The following PDZD2 variants were observed in gnomAD, a reference collection of about 807,000 sequenced individuals.
The protein encoded by PDZD2 is PDZ domain containing 2, also known as PDZ domain-containing protein 2.
A neutral mutation model predicts 220.7 loss-of-function variants in PDZD2; 90 were observed. That is an observed-to-expected ratio of 0.41 (90% CI 0.34 to 0.49). The LOEUF (loss-of-function observed/expected upper bound fraction) is 0.49, where lower values mean the gene tolerates loss of function less well. PDZD2 is among the 20% of genes least tolerant of loss of function. The pLI, the probability that PDZD2 is intolerant of heterozygous loss-of-function variation, is 0.28. For missense variants in PDZD2, 3,174 were observed against 3,608.5 expected (o/e 0.88, Z 3.08); for synonymous variants, 1,375 against 1,450.5 (o/e 0.95, Z 1.18).
At chr5:31,655,486 T>G (rs1039672241) in intron 1 of PDZD2, among the ~76,000 whole-genome samples, 9 of 152,052 alleles carry the variant, frequency 5.9e-5, no homozygotes, top group African/African-American at 2.2e-4. Context: ...TTTTAATATA[T>G]CATATATTTT....
At chr5:31,796,984 G>A (rs1254837915) in intron 1 of PDZD2, among the ~76,000 whole-genome samples, 4 of 150,162 alleles carry the variant, frequency 2.7e-5, no homozygotes, top group Non-Finnish European at 4.4e-5. Flanking sequence ...CTGGAGTGCA[G>A]TGGCGAGATC....
At chr5:31,820,526 G>T (rs1755773527) in intron 2 of PDZD2, 1 of 152,102 alleles carries the variant, frequency 6.6e-6, no homozygotes, top group African/African-American at 2.4e-5. Flanking sequence ...TGTTAACACG[G>T]CATTTATTTT....
chr5:31,850,214 G>GTA (rs1179897775), intron 2 of PDZD2, among the ~76,000 whole-genome samples: 1 of 84,224 alleles, frequency 1.2e-5, no homozygotes, highest in Non-Finnish European at 2.3e-5. Context: ...GTATATATGT[G>GTA]TATATATATA....
intron 2 of PDZD2, among the ~76,000 whole-genome samples, chr5:31,892,634 C>T (rs989688911): frequency 6.6e-6 from 1 of 151,648 alleles, no homozygotes; most frequent in South Asian, 2.1e-4. Flanking sequence ...GTGGCGAGAC[C>T]ACAGCTCACT....
chr5:31,866,512 C>T (rs1353212682), intron 2 of PDZD2, among the ~76,000 whole-genome samples: 2 of 152,124 alleles, frequency 1.3e-5, no homozygotes, highest in Non-Finnish European at 2.9e-5. Flanking sequence ...TTCGTGCCCT[C>T]ACAGCTGCTT....
intron 1 of PDZD2, among the ~76,000 whole-genome samples, chr5:31,709,394 G>A (rs1747980600): frequency 1.3e-5 from 2 of 152,002 alleles, no homozygotes; most frequent in Admixed American, 1.3e-4. Flanking sequence ...GGCTGAGGCA[G>A]GAGGATAGTT....
intron 2 of PDZD2, among the ~76,000 whole-genome samples, chr5:31,802,654 C>T (rs573655249): frequency 1.3e-5 from 2 of 152,326 alleles, no homozygotes; most frequent in South Asian, 2.1e-4. Flanking sequence ...TGCGCCGTGG[C>T]TCACGCCTGT....
intron 1 of PDZD2, among the ~76,000 whole-genome samples, chr5:31,737,534 C>G (rs1412182760): frequency 1.3e-5 from 2 of 152,212 alleles, no homozygotes; most frequent in Non-Finnish European, 2.9e-5. Flanking sequence ...ACAGCGTTCA[C>G]ACTAATGTAC....
At chr5:31,894,466 T>A (rs1300228880) in intron 2 of PDZD2, among the ~76,000 whole-genome samples, 2 of 152,088 alleles carry the variant, frequency 1.3e-5, no homozygotes, top group African/African-American at 4.8e-5. Flanking sequence ...TTGATGTTTT[T>A]TTCCCTTCCA....
chr5:31,847,737 A>G lies in PDZD2; in HGVS notation c.476+48013A>G, dbSNP rs76541146. The G allele has an allele frequency of 4.6e-3, 2,736 of 595,946 alleles. 40 individuals are homozygous for G. Among genetic ancestry groups the G allele is most frequent in the African/African-American group, 0.041 (2,202 of 54,286 alleles). 36.9% of individuals were successfully genotyped at this position (595,946 alleles called of 1,614,324 possible). Reference sequence around the variant, plus strand: ...TTGCCAGAACTACCACTGACAATACAGTTTTGGAGGCCCTGAAGGAAGCTG... The same window carrying G: ...TTGCCAGAACTACCACTGACAATACGGTTTTGGAGGCCCTGAAGGAAGCTG... On this transcript the variant is annotated intron_variant, in intron 2 of 24. Transcript: ENST00000438447.
At chr5:31,887,508 A>AG (rs1249156338) in intron 2 of PDZD2, among the ~76,000 whole-genome samples, 1 of 152,084 alleles carries the variant, frequency 6.6e-6, no homozygotes, top group Non-Finnish European at 1.5e-5. Flanking sequence ...TTGAGGATGG[A>AG]GGAGAGCTAG....
At position 31,995,635 on chromosome 5, in the gene PDZD2, TC is replaced by T. The variant is rs1407296301; in HGVS notation, c.1039del (p.Gln347ArgfsTer20). 1.2e-6 allele frequency: 2 copies of T among 1,614,126 alleles called. No homozygotes were observed. Among genetic ancestry groups the T allele is most frequent in the Non-Finnish European group, 1.7e-6 (2 of 1,180,002 alleles). Reference protein sequence around the residue: ...LLKESDGLGIQVSGGRGSKRS... With the variant: ...LLKESDGLGIXVSGGRGSKRS... ...TCAAAGAATCGGATGGGCTGGGAAT[TC>T]AGGTTAGTGGAGGCCGAGGATCAAA... On this transcript the variant is annotated frameshift_variant, in exon 4 of 25. Transcript: ENST00000438447. LOFTEE classifies it high-confidence loss of function.
intron 7 of PDZD2, among the ~76,000 whole-genome samples, chr5:32,038,311 C>T (rs1755730141): frequency 6.7e-6 from 1 of 150,138 alleles, no homozygotes; most frequent in Non-Finnish European, 1.5e-5. Context: ...AGGCAGATCA[C>T]GAGGTCAGGA....
intron 1 of PDZD2, among the ~76,000 whole-genome samples, chr5:31,696,637 A>G (rs935065397): frequency 2.6e-5 from 4 of 152,140 alleles, no homozygotes; most frequent in African/African-American, 9.7e-5. Context: ...ACGCTTCACA[A>G]GAGACTTGAG....
At chr5:31,667,948 A>G (rs1746066469) in intron 1 of PDZD2, among the ~76,000 whole-genome samples, 1 of 130,312 alleles carries the variant, frequency 7.7e-6, no homozygotes, top group Non-Finnish European at 1.5e-5. Context: ...TGCAACCTCC[A>G]TCTCCTGAGT....
chr5:32,074,163 ACGAC>A lies in PDZD2; in HGVS notation c.3059_3062del (p.Arg1020ProfsTer6). 6.2e-7 allele frequency: 1 copy of A among 1,614,130 alleles called. No individual in the cohort carries two copies. The highest frequency in any genetic ancestry group is 8.5e-7 in the Non-Finnish European group (1 of 1,180,020). On this transcript the variant is annotated frameshift_variant, in exon 18 of 25. Coordinates refer to ENST00000438447, the MANE Select transcript of PDZD2 (RefSeq NM_178140.4). LOFTEE classifies it high-confidence loss of function. The stretch of plus-strand genomic sequence containing the variant: ...GCATGGACGTCCACAACCAAGAGGA[ACGAC>A]CCCGGAAAACACTGGTGAGCAAGGC...
chr5:31,856,038 T>A (rs1438799330), intron 2 of PDZD2, among the ~76,000 whole-genome samples: 1 of 152,226 alleles, frequency 6.6e-6, no homozygotes, highest in Non-Finnish European at 1.5e-5. Flanking sequence ...CTGAGTTTGG[T>A]ATCATAAGGG....
At chr5:32,018,033 A>T (rs1753906873) in intron 6 of PDZD2, among the ~76,000 whole-genome samples, 1 of 152,236 alleles carries the variant, frequency 6.6e-6, no homozygotes, top group South Asian at 2.1e-4. Context: ...GAAAAGTCAC[A>T]TTATAGCTCA....
chr5:31,941,970 A>T (rs1038550183), intron 2 of PDZD2, among the ~76,000 whole-genome samples: 4 of 152,192 alleles, frequency 2.6e-5, no homozygotes, highest in Non-Finnish European at 5.9e-5. Flanking sequence ...TGGGTTCTTC[A>T]TCTACTCCAG....
Sources: allele counts gnomAD v4.1 joint callset (sites outside exome capture counted in the v4.1 genomes callset), GRCh38; gene constraint gnomAD v4.1.1; transcripts MANE v1.5; gene names NCBI Gene and HGNC (gene_info 2026-07-23, HGNC 2026-07-21).